The following ZNF536 variants were observed in gnomAD, a reference collection of about 807,000 sequenced individuals.
ZNF536 encodes zinc finger protein 536.
A neutral mutation model predicts 84.5 loss-of-function variants in ZNF536; 13 were observed. The observed-to-expected ratio is 0.15, with a 90% CI of 0.10 to 0.24. The LOEUF is 0.24. ZNF536 is among the 10% of genes least tolerant of loss of function. The pLI is 1.00. For synonymous variants in ZNF536, 811 were observed against 742.5 expected, an observed-to-expected ratio of 1.09 and a Z score of -1.50; for missense variants, 1,536 against 1,747.5, an observed-to-expected ratio of 0.88 and a Z score of 2.16.
At chr19:30,624,127 A>G (rs1600067710) in intron 1 of ZNF536, among the ~76,000 whole-genome samples, 1 of 151,944 alleles carries the variant, frequency 6.6e-6, no homozygotes, top group Admixed American at 6.6e-5. Context: ...ATGCCTTGGG[A>G]GCCCTATAAT....
intron 1 of ZNF536, among the ~76,000 whole-genome samples, chr19:30,276,551 G>T (rs2026145054): frequency 6.6e-6 from 1 of 151,870 alleles, no homozygotes. Context: ...TTTAAATTTT[G>T]ATAAAATCCA....
chr19:30,447,942 C>T (rs1600774133), intron 2 of ZNF536, among the ~76,000 whole-genome samples: 5 of 152,298 alleles, frequency 3.3e-5, no homozygotes, highest in Admixed American at 3.3e-4. Flanking sequence ...CCGTGTTTTT[C>T]TCACCTTCTG....
At position 30,492,122 on chromosome 19, in the gene ZNF536, G is replaced by A. The variant is rs571818192; in HGVS notation, c.2171-42725G>A. On this transcript the variant is annotated intron_variant, in intron 2 of 4. Coordinates refer to ENST00000355537, the MANE Select transcript of ZNF536 (RefSeq NM_014717.3). ...GGTGGGGGTGGGCAGGTCGGATCAT[G>A]AAGGGACACAGAATATTAATTAGAC... Among the ~76,000 whole-genome samples the A allele has an allele frequency of 1.1e-4, 17 of 152,292 alleles. No homozygotes were observed. The South Asian group carries it at 3.1e-3, about 28-fold the overall frequency.
chr19:30,579,408 T>C (rs1250367869), intron 1 of ZNF536, among the ~76,000 whole-genome samples: 2 of 152,176 alleles, frequency 1.3e-5, no homozygotes, highest in Non-Finnish European at 2.9e-5. Context: ...GGTGGCTAGG[T>C]CAGCTGGAGG....
chr19:30,410,081 T>G (rs550197549), intron 1 of ZNF536, among the ~76,000 whole-genome samples: 1 of 152,304 alleles, frequency 6.6e-6, no homozygotes, highest in African/African-American at 2.4e-5. Context: ...AGTTCGTACA[T>G]GGTGTTTTCT....
intron 1 of ZNF536, among the ~76,000 whole-genome samples, chr19:30,430,230 G>A (rs1046022434): frequency 1.3e-5 from 2 of 152,214 alleles, no homozygotes; most frequent in Non-Finnish European, 2.9e-5. Context: ...CCCAAGGATA[G>A]ATGTTATGCT....
At chr19:30,258,843 G>A (rs766330029) in intron 1 of ZNF536, among the ~76,000 whole-genome samples, 11 of 151,614 alleles carry the variant, frequency 7.3e-5, no homozygotes, top group Non-Finnish European at 1.0e-4. Context: ...TCAGCCTCCC[G>A]AGTAGCTGGG....
chr19:30,531,264 C>G (rs1181755758), intron 2 of ZNF536, among the ~76,000 whole-genome samples: 2 of 152,170 alleles, frequency 1.3e-5, no homozygotes, highest in Non-Finnish European at 2.9e-5. Context: ...CAGATACAGG[C>G]CATCACTTAG....
At chr19:30,698,251 C>A (rs527451842) in intron 1 of ZNF536, among the ~76,000 whole-genome samples, 106 of 151,272 alleles carry the variant, frequency 7.0e-4, no homozygotes, top group South Asian at 1.7e-3. Flanking sequence ...GAGACTGCGC[C>A]ACTGTACTCC....
At chr19:30,626,758 G>A (rs1349703946) in intron 1 of ZNF536, among the ~76,000 whole-genome samples, 2 of 152,222 alleles carry the variant, frequency 1.3e-5, no homozygotes, top group Admixed American at 6.5e-5. Flanking sequence ...GTGCAGAAGG[G>A]AAGGGGATGC....
chr19:30,562,477 AAGG>A (rs149331506), downstream of ZNF536, among the ~76,000 whole-genome samples: 3,507 of 152,352 alleles, frequency 0.023, 56 homozygotes, highest in South Asian at 0.035. Context: ...AAAGAAAAGA[AAGG>A]AGATCAATGA....
intron 1 of ZNF536, among the ~76,000 whole-genome samples, chr19:30,402,605 C>T (rs576800453): frequency 3.2e-4 from 48 of 151,550 alleles, no homozygotes; most frequent in African/African-American, 9.7e-4. Flanking sequence ...CTTTTTTCAC[C>T]GGGAACCCTG....
chr19:30,543,872 G>T (rs1044391629), intron 3 of ZNF536, among the ~76,000 whole-genome samples: 1 of 152,160 alleles, frequency 6.6e-6, no homozygotes, highest in Non-Finnish European at 1.5e-5. Context: ...CCCTGGGGCT[G>T]CTGGGGCTCT....
chr19:30,677,606 TCTTGGGTCCTGTCTAG>T (rs2050799229), intron 1 of ZNF536, among the ~76,000 whole-genome samples: 1 of 152,264 alleles, frequency 6.6e-6, no homozygotes, highest in Non-Finnish European at 1.5e-5. Context: ...CAGGCTGACC[TCTTGGGTCCTGTCTAG>T]CTCTGACCCC....
At chr19:30,395,190 GT>G (rs1438797140) in intron 1 of ZNF536, among the ~76,000 whole-genome samples, 2 of 152,176 alleles carry the variant, frequency 1.3e-5, no homozygotes, top group Non-Finnish European at 2.9e-5. Context: ...TTAATGAAAA[GT>G]GATAAAAGAA....
At chr19:30,658,778 T>G (rs1054653689) in intron 1 of ZNF536, among the ~76,000 whole-genome samples, 2 of 152,228 alleles carry the variant, frequency 1.3e-5, no homozygotes, top group Non-Finnish European at 2.9e-5. Flanking sequence ...AAACCATATC[T>G]GTCTTGTTCA....
At chr19:30,441,662 GC>G (rs2052055783) in intron 1 of ZNF536, among the ~76,000 whole-genome samples, 1 of 152,142 alleles carries the variant, frequency 6.6e-6, no homozygotes, top group South Asian at 2.1e-4. Flanking sequence ...AGTGTAGACT[GC>G]CCCCAGAAGC....
upstream of ZNF536, among the ~76,000 whole-genome samples, chr19:30,226,570 C>T (rs2022625187): frequency 1.3e-5 from 2 of 152,076 alleles, no homozygotes; most frequent in Admixed American, 6.5e-5. This position sits in a 1 kb window ranked among gnomAD's most constrained non-coding sequence, Gnocchi z 4.6. Flanking sequence ...GGGTCCGAAC[C>T]CGCGACCCCA....
At chr19:30,461,627 A>G (rs372850850) in intron 2 of ZNF536, among the ~76,000 whole-genome samples, 25 of 152,172 alleles carry the variant, frequency 1.6e-4, no homozygotes, top group East Asian at 9.6e-4. Context: ...GGAGGAGGAA[A>G]GGGGAAGAGG....
Sources: allele counts gnomAD v4.1 joint callset (sites outside exome capture counted in the v4.1 genomes callset), GRCh38; gene constraint gnomAD v4.1.1; non-coding constraint Gnocchi (gnomAD v3.1); transcripts MANE v1.5; gene names NCBI Gene and HGNC (gene_info 2026-07-23, HGNC 2026-07-21).